PTPRU: variants seen among roughly 807,000 people sequenced by gnomAD.
The protein encoded by PTPRU is receptor-type tyrosine-protein phosphatase U.
A neutral mutation model predicts 166.3 loss-of-function variants in PTPRU; 69 were observed. The ratio of observed to expected loss-of-function variants is 0.41; its 90% confidence interval spans 0.34 to 0.51. The LOEUF (loss-of-function observed/expected upper bound fraction) is 0.51. PTPRU is among the 20% of genes least tolerant of loss of function. PTPRU has a pLI of 0.09. For synonymous variants in PTPRU, 793 were observed against 814.0 expected (o/e 0.97, Z 0.44); for missense variants, 1,657 against 2,013.7 (o/e 0.82, Z 3.39).
chr1:29,305,531 G>A (rs772849647), intron 18 of PTPRU, 103 bp downstream of exon 18: 2 of 1,198,946 alleles, frequency 1.7e-6, no homozygotes, highest in Non-Finnish European at 2.5e-6. Context: ...GGGTTCAAAT[G>A]GCTGAGTTCG....
At chr1:29,316,306 T>C (rs1186541773) in intron 24 of PTPRU, among the ~76,000 whole-genome samples, 155 bp downstream of exon 24, 1 of 152,142 alleles carries the variant, frequency 6.6e-6, no homozygotes, top group Non-Finnish European at 1.5e-5. Context: ...GGAAGGACTT[T>C]GGGACAGCGG....
chr1:29,277,770 C>T lies in PTPRU; in HGVS notation c.1454-1242C>T, dbSNP rs116983473. Among the ~76,000 whole-genome samples, 47 of 131,896 alleles carry T rather than the reference C, an allele frequency of 3.6e-4. 1 individual carries two copies. In the East Asian group the frequency reaches 0.011, roughly 30 times the overall value. The allele number at this position is 131,896 out of a possible 152,430, so 86.5% of individuals were successfully genotyped here. A position where few individuals can be genotyped will look rare whatever the true frequency, so the allele number is the denominator to read the frequency against. ...AAGAAGTCACAGAAAGCCTGGCTTT[C>T]TAACCTGACCATCTGGCTTCACAGT... is the stretch of plus-strand genomic sequence containing the variant. On this transcript the variant is annotated intron_variant, in intron 8 of 29. Transcript: ENST00000373779.
rs1284263482 is a variant in PTPRU, at chr1:29,279,340, A to G, written c.1564-116A>G. 1.2e-5 allele frequency: 15 copies of G among 1,221,856 alleles called. No individual in the cohort carries two copies. Among genetic ancestry groups the G allele is most frequent in the Non-Finnish European group, 1.6e-5 (14 of 852,258 alleles). The allele number at this position is 1,221,856 out of a possible 1,614,324, so 75.7% of individuals were successfully genotyped here. On this transcript the variant is annotated intron_variant, in intron 9 of 29. Transcript: ENST00000373779. This position sits in a 1 kb window ranked among gnomAD's most constrained non-coding sequence, Gnocchi z 5.2. Reference sequence around the variant, plus strand: ...CTAGAAGCCTGGCTTGATGGCATCCATAGTCTCCTTTGCTTAGCCTTATCT... The same window carrying G: ...CTAGAAGCCTGGCTTGATGGCATCCGTAGTCTCCTTTGCTTAGCCTTATCT...
At chr1:29,289,654 T>C in intron 14 of PTPRU, 1 of 1,613,912 alleles carries the variant, frequency 6.2e-7, no homozygotes, top group Non-Finnish European at 8.5e-7. Context: ...CGGACACAAC[T>C]GTGCTGTTCT....
intron 1 of PTPRU, among the ~76,000 whole-genome samples, chr1:29,249,092 C>T (rs2151941212): frequency 6.6e-6 from 1 of 152,340 alleles, no homozygotes; most frequent in South Asian, 2.1e-4. Context: ...TCTTCCGCCT[C>T]CCATTTGAAT....
In PTPRU at chr1:29,257,439, G is replaced by A. The variant is rs1684821696; in HGVS notation, c.206-1066G>A. ...GCGGGGATCTGAGTGAGCTTGTGTT[G>A]GCTGGCAGCCAAGCCCGGGAGGAGG... is the stretch of plus-strand genomic sequence containing the variant. On this transcript the variant is annotated intron_variant, in intron 2 of 29. Transcript: ENST00000373779. This position sits in a 1 kb window ranked among gnomAD's most constrained non-coding sequence, Gnocchi z 4.6. Among the ~76,000 whole-genome samples the A allele has an allele frequency of 6.6e-6, 1 of 152,174 alleles. No homozygotes were observed. Among genetic ancestry groups the A allele is most frequent in the Non-Finnish European group, 1.5e-5 (1 of 68,034 alleles).
In PTPRU at chr1:29,260,641, G is replaced by C; in HGVS notation, c.882G>C (p.Leu294=). The C allele has an allele frequency of 6.6e-7, 1 of 1,508,062 alleles. No individual in the cohort carries two copies. The allele number at this position is 1,508,062 out of a possible 1,614,324, so 93.4% of individuals were successfully genotyped here. The change falls in exon 7 of 30, where the codon CTG becomes CTC. Residue 294 remains leucine, a synonymous_variant. Coordinates refer to ENST00000373779, the MANE Select transcript of PTPRU (RefSeq NM_133178.4). This position sits in a 1 kb window ranked among gnomAD's most constrained non-coding sequence, Gnocchi z 8.3. The stretch of plus-strand genomic sequence containing the variant: ...CAACTCCCATCGCGCCCCCACAGCT[G>C]CTGCGTGCTGGCCCCACCTACCTCA... ...EPPTPIAPPQ[L]LRAGPTYLII...
intron 1 of PTPRU, among the ~76,000 whole-genome samples, chr1:29,248,091 C>T (rs997884124): frequency 2.0e-5 from 3 of 152,068 alleles, no homozygotes; most frequent in Admixed American, 2.0e-4. Context: ...TGGGCTGGGC[C>T]GGGCCTCTGG....
chr1:29,297,457 C>G (rs1238766130), intron 15 of PTPRU, among the ~76,000 whole-genome samples: 1 of 152,172 alleles, frequency 6.6e-6, no homozygotes, highest in African/African-American at 2.4e-5. Context: ...GTGGCAGAGT[C>G]AGGACTTAAA....
intron 15 of PTPRU, among the ~76,000 whole-genome samples, chr1:29,294,251 C>T (rs577816939): frequency 1.3e-5 from 2 of 152,298 alleles, no homozygotes; most frequent in African/African-American, 2.4e-5. Flanking sequence ...CAGCCTTTTT[C>T]ACTTCTGCCA....
rs756048969 is a variant in PTPRU, at chr1:29,325,237, C to T, written c.4159C>T (p.Leu1387=). Residue 1387 remains leucine (L), a synonymous_variant, in exon 29 of 30, where the codon CTG becomes TTG. Transcript: ENST00000373779. ...SGTFCACATV[L]EMIRCHNLVD... ...CACCTTCTGCGCCTGCGCCACGGTC[C>T]TGGAGATGATCCGCTGCCACAACTT... The T allele has an allele frequency of 6.0e-5, 97 of 1,614,130 alleles. 1 individual carries two copies. In the Admixed American group the frequency reaches 9.7e-4, roughly 16 times the overall value.
At position 29,277,803 on chromosome 1, in the gene PTPRU, C is replaced by CTTTTTTTTTTTTTTTTTTTTTTTTTTTT. The variant is rs71586898; in HGVS notation, c.1454-1203_1454-1176dup. On this transcript the variant is annotated intron_variant, in intron 8 of 29. Coordinates refer to ENST00000373779, the MANE Select transcript of PTPRU (RefSeq NM_133178.4). The stretch of plus-strand genomic sequence containing the variant: ...ACCATCTGGCTTCACAGTTGTCATT[C>CTTTTTTTTTTTTTTTTTTTTTTTTTTTT]TTTTTTTTTTTTTTTTTTTTTTTTT... Among the ~76,000 whole-genome samples, 8 of 50,590 alleles carry CTTTTTTTTTTTTTTTTTTTTTTTTTTTT rather than the reference C, an allele frequency of 1.6e-4. 2 individuals carry two copies. Among genetic ancestry groups the CTTTTTTTTTTTTTTTTTTTTTTTTTTTT allele is most frequent in the African/African-American group, 2.7e-4 (3 of 10,910 alleles). The allele number at this position is 50,590 out of a possible 152,430, so 33.2% of individuals were successfully genotyped here.
rs183800070 is a variant in PTPRU at position 29,244,630 on chromosome 1, C to T, written c.73+7913C>T. On this transcript the variant is annotated intron_variant, in intron 1 of 29. Transcript: ENST00000373779. ...CGTGTGGTGGTTAAGAGCATGGGTT[C>T]AGGGCCCAGACCATCTGGGTTCTAA... Among the ~76,000 whole-genome samples the T allele has an allele frequency of 1.2e-4, 18 of 152,144 alleles. 1 individual carries two copies. The Middle Eastern group carries it at 0.017, about 144-fold the overall frequency.
Position 29,279,964 on chromosome 1 carries a change from G to T in PTPRU, c.1766-75G>T. ...AAGTAGGGGAGATCTGAGGACTGTG[G>T]TCAAGGAGGCTGGAAGCCTGGTCTT... On this transcript the variant is annotated intron_variant, in intron 10 of 29. Coordinates refer to ENST00000373779, the MANE Select transcript of PTPRU (RefSeq NM_133178.4). The surrounding 1 kb of genome is among the most constrained non-coding windows in gnomAD (Gnocchi z 5.2). 6.9e-7 allele frequency: 1 copy of T among 1,441,804 alleles called. No homozygotes were observed. Among genetic ancestry groups the T allele is most frequent in the Non-Finnish European group, 9.7e-7 (1 of 1,034,876 alleles). The allele number at this position is 1,441,804 out of a possible 1,614,324, so 89.3% of individuals were successfully genotyped here.
intron 13 of PTPRU, among the ~76,000 whole-genome samples, chr1:29,284,427 G>C (rs552159996): frequency 6.6e-6 from 1 of 152,194 alleles, no homozygotes; most frequent in African/African-American, 2.4e-5. Context: ...GAGGGCAAGA[G>C]GGTGGGGCTG....
intron 1 of PTPRU, among the ~76,000 whole-genome samples, chr1:29,240,427 T>C (rs1274149082): frequency 1.3e-5 from 2 of 152,066 alleles, no homozygotes; most frequent in African/African-American, 4.8e-5. Flanking sequence ...GAATAAAGTT[T>C]AAGGGGGCCA....
rs372522624 is a variant in PTPRU at position 29,259,814 on chromosome 1, A to C, written c.676-56A>C. 31 of 1,473,184 alleles carry C rather than the reference A, an allele frequency of 2.1e-5. 1 individual carries two copies. In the East Asian group the frequency reaches 7.0e-4, roughly 33 times the overall value. 91.3% of individuals were successfully genotyped at this position (1,473,184 alleles called of 1,614,324 possible). On this transcript the variant is annotated intron_variant, in intron 5 of 29. Transcript: ENST00000373779. ...GCTAAATGGGGCCCGGGTCAGAGCG[A>C]GATCGGGACCCCTCGCTCCGAGGCG...
chr1:29,309,688 A>G (rs982916693), intron 18 of PTPRU, among the ~76,000 whole-genome samples: 6 of 152,234 alleles, frequency 3.9e-5, no homozygotes, highest in Non-Finnish European at 7.3e-5. Context: ...TATAGACATG[A>G]AAATGGAGGC....
chr1:29,285,467 C>T (rs2151955133), intron 14 of PTPRU, among the ~76,000 whole-genome samples: 1 of 152,284 alleles, frequency 6.6e-6, no homozygotes, highest in Non-Finnish European at 1.5e-5. Flanking sequence ...AAGGTCCAGC[C>T]TGTGTTTGCA....
Sources: gnomAD v4.1 joint callset for allele counts (sites outside exome capture counted in the v4.1 genomes callset) on GRCh38, gnomAD v4.1.1 for gene constraint, Gnocchi (gnomAD v3.1) non-coding constraint, MANE v1.5 for transcripts, NCBI Gene and HGNC (gene_info 2026-07-23, HGNC 2026-07-21) for gene names.